ABCB7: variants seen among roughly 807,000 people sequenced by gnomAD.
ABCB7 encodes the protein iron-sulfur clusters transporter ABCB7, mitochondrial.
A neutral mutation model predicts 54.4 loss-of-function variants in ABCB7; 7 were observed. The ratio of observed to expected loss-of-function variants is 0.13; its 90% CI spans 0.07 to 0.24. ABCB7 has a LOEUF of 0.24. ABCB7 is among the 10% of genes least tolerant of loss of function. The pLI, the probability that ABCB7 is intolerant of heterozygous loss-of-function variation, is 1.00. For missense variants in ABCB7, 356 were observed against 570.4 expected, an observed-to-expected ratio of 0.62 and a Z score of 3.83; for synonymous variants, 218 against 207.1, an observed-to-expected ratio of 1.05 and a Z score of -0.45.
chrX:75,118,984 G>C (rs765241397), intron 1 of ABCB7, among the ~76,000 whole-genome samples: 1 of 112,016 alleles, frequency 8.9e-6, no homozygotes, highest in South Asian at 3.7e-4. Context: ...AAAAACTGGC[G>C]AATGAAGAAC....
Position 75,072,675 on chromosome X carries a change from G to A in ABCB7, c.1033-992C>T, listed in dbSNP as rs775835015. ...GAGTGAGTGGTGAGTGAATATGAAG[G>A]CCTCGGGCATTACCGTACACTACTG... On this transcript the variant is annotated intron_variant, in intron 8 of 15. Transcript: ENST00000373394. Among the ~76,000 whole-genome samples, 7 of 111,066 alleles carry A rather than the reference G, an allele frequency of 6.3e-5. No homozygotes were observed. In the South Asian group the frequency reaches 2.3e-3, roughly 36 times the overall value.
chrX:75,056,699 A>C (rs1356457874), intron 15 of ABCB7, among the ~76,000 whole-genome samples: 2 of 111,582 alleles, frequency 1.8e-5, no homozygotes, highest in Non-Finnish European at 3.8e-5. Context: ...TCATAAATTC[A>C]GACTGATAAT....
chrX:75,075,717 G>T, intron 5 of ABCB7, 87 bp from the exon 6 acceptor site: 1 of 870,576 alleles, frequency 1.1e-6, no homozygotes, highest in Non-Finnish European at 1.6e-6. Flanking sequence ...GAAAATGTTT[G>T]TACAATGAGT....
chrX:75,100,069 G>T (rs1435167948), intron 3 of ABCB7, among the ~76,000 whole-genome samples: 1 of 110,115 alleles, frequency 9.1e-6, no homozygotes, highest in Non-Finnish European at 1.9e-5. Context: ...TTCTACTTCT[G>T]GGAATTTATG....
At chrX:75,130,087 G>T (rs1222933527) in intron 1 of ABCB7, among the ~76,000 whole-genome samples, 2 of 111,668 alleles carry the variant, frequency 1.8e-5, no homozygotes, top group Admixed American at 1.9e-4. Flanking sequence ...GACAATATTA[G>T]CAATGTCACT....
intron 4 of ABCB7, among the ~76,000 whole-genome samples, chrX:75,093,365 G>A (rs1276965290): frequency 3.6e-5 from 4 of 111,343 alleles, no homozygotes; most frequent in Non-Finnish European, 5.7e-5. Flanking sequence ...TTCTGGAAAA[G>A]GCAAAACTAG....
At chrX:75,113,460 G>A (rs1253114544) in intron 2 of ABCB7, among the ~76,000 whole-genome samples, 3 of 111,704 alleles carry the variant, frequency 2.7e-5, no homozygotes, top group African/African-American at 9.7e-5. Context: ...TAGAAACAAG[G>A]TATTTTTTAA....
chrX:75,116,138 G>A (rs186728454), intron 1 of ABCB7, among the ~76,000 whole-genome samples: 74 of 111,637 alleles, frequency 6.6e-4, no homozygotes, highest in African/African-American at 2.4e-3. Context: ...TCTGATAAGA[G>A]ACATTCACCA....
intron 1 of ABCB7, among the ~76,000 whole-genome samples, chrX:75,125,241 C>T (rs767457496): frequency 1.8e-5 from 2 of 111,076 alleles, no homozygotes; most frequent in African/African-American, 6.5e-5. Context: ...TGATACAAGC[C>T]GTCCATAAGT....
chrX:75,150,317 G>C (rs1184446782), intron 1 of ABCB7, among the ~76,000 whole-genome samples: 3 of 111,561 alleles, frequency 2.7e-5, no homozygotes, highest in Non-Finnish European at 5.7e-5. Flanking sequence ...AATCCTACAA[G>C]GGAGTCAAGA....
chrX:75,053,155 A>G lies in ABCB7; in HGVS notation c.*215T>C, dbSNP rs1215489148. On this transcript the variant is annotated 3_prime_UTR_variant, in exon 16 of 16. Transcript: ENST00000373394. ...TAGCAAAAAGTATGCATTGAGCACA[A>G]CCAGGACAGTGACAAGAAAATAATT... is the stretch of plus-strand genomic sequence containing the variant. 2.0e-6 allele frequency: 1 copy of G among 502,928 alleles called. No homozygotes were observed. The highest frequency in any genetic ancestry group is 2.4e-5 in the African/African-American group (1 of 41,689). 41.4% of individuals were successfully genotyped at this position (502,928 alleles called of 1,213,427 possible). A position where few individuals can be genotyped will look rare whatever the true frequency, so the allele number is the denominator to read the frequency against.
intron 1 of ABCB7, among the ~76,000 whole-genome samples, chrX:75,136,502 T>C: frequency 9.0e-6 from 1 of 111,586 alleles, no homozygotes. Context: ...CTAAAATTAA[T>C]TCGGAACCAA....
intron 4 of ABCB7, among the ~76,000 whole-genome samples, chrX:75,093,026 T>C (rs1177112556): frequency 8.9e-6 from 1 of 111,861 alleles, no homozygotes; most frequent in Non-Finnish European, 1.9e-5. Context: ...AAACAAAACA[T>C]AGTCTTACAA....
intron 4 of ABCB7, among the ~76,000 whole-genome samples, chrX:75,098,040 G>A (rs2081606553): frequency 9.0e-6 from 1 of 111,662 alleles, no homozygotes; most frequent in African/African-American, 3.3e-5. Flanking sequence ...TGGGTGCGGT[G>A]GCTCATGCCT....
chrX:75,060,654 A>C (rs1426330374), intron 14 of ABCB7, among the ~76,000 whole-genome samples: 1 of 111,615 alleles, frequency 9.0e-6, no homozygotes, highest in African/African-American at 3.3e-5. Context: ...GATATCAGGA[A>C]CATAGCCACA....
At chrX:75,124,251 T>C (rs1361719437) in intron 1 of ABCB7, among the ~76,000 whole-genome samples, 1 of 111,692 alleles carries the variant, frequency 9.0e-6, no homozygotes, top group Non-Finnish European at 1.9e-5. Flanking sequence ...ATGTATGGGA[T>C]TCCCCTCTAC....
intron 3 of ABCB7, among the ~76,000 whole-genome samples, chrX:75,109,598 A>C (rs531965286): frequency 8.9e-6 from 1 of 112,194 alleles, no homozygotes; most frequent in South Asian, 3.7e-4. Flanking sequence ...TAAAAGCAAG[A>C]AATGTAATAC....
chrX:75,101,007 GAATGTGTTA>G (rs1243512832), intron 3 of ABCB7, among the ~76,000 whole-genome samples: 14 of 111,352 alleles, frequency 1.3e-4, no homozygotes, highest in African/African-American at 4.6e-4. Flanking sequence ...AGTGACAGAG[GAATGTGTTA>G]AATGAAAAAA....
At chrX:75,141,676 G>A (rs944278438) in intron 1 of ABCB7, among the ~76,000 whole-genome samples, 5 of 111,654 alleles carry the variant, frequency 4.5e-5, no homozygotes, top group African/African-American at 1.6e-4. Flanking sequence ...GCACTTTCCT[G>A]ATTGTTTCCT....
Sources: allele counts gnomAD v4.1 joint callset (sites outside exome capture counted in the v4.1 genomes callset), GRCh38; gene constraint gnomAD v4.1.1; transcripts MANE v1.5; gene names NCBI Gene and HGNC (gene_info 2026-07-23, HGNC 2026-07-21).